Variants in ELAVL1 observed in about 807,000 individuals in gnomAD.
The protein encoded by ELAVL1 is ELAV-like protein 1.
Under a neutral mutation model 28.4 loss-of-function variants are expected in ELAVL1, and 1 was observed. The observed-to-expected ratio is 0.04, with a 90% CI of 0.01 to 0.17. The LOEUF (loss-of-function observed/expected upper bound fraction) is 0.17, where lower values mean the gene tolerates loss of function less well. Ranked by LOEUF, ELAVL1 falls within the 10% of genes least tolerant of loss-of-function variation. The pLI is 1.00. For missense variants in ELAVL1, 157 were observed against 447.2 expected, an observed-to-expected ratio of 0.35 and a Z score of 5.85; for synonymous variants, 174 against 183.5, an observed-to-expected ratio of 0.95 and a Z score of 0.42.
At chr19:7,974,215 G>A (rs1027292433) in intron 3 of ELAVL1, among the ~76,000 whole-genome samples, 1 of 152,212 alleles carries the variant, frequency 6.6e-6, no homozygotes, top group African/African-American at 2.4e-5. Flanking sequence ...CGGTGCCAGA[G>A]AGGTCCTGGT....
At chr19:7,987,261 A>G (rs1039728897) in intron 2 of ELAVL1, among the ~76,000 whole-genome samples, 8 of 152,136 alleles carry the variant, frequency 5.3e-5, no homozygotes, top group Non-Finnish European at 8.8e-5. Flanking sequence ...ATATACAGCA[A>G]GACAGAAGCC....
rs991288126 is a variant in ELAVL1 at position 7,982,954 on chromosome 19, C to T, written c.173-1768G>A. 2.0e-5 allele frequency among the ~76,000 whole-genome samples: 3 copies of T among 152,232 alleles called. No homozygotes were observed. Among genetic ancestry groups the T allele is most frequent in the Non-Finnish European group, 2.9e-5 (2 of 68,044 alleles). ...TCAACGTGACTTATGGCTGCTGGTG[C>T]TGACCGTGATCACTGGGCCGAGGCA... On this transcript the variant is annotated intron_variant, in intron 2 of 5. Transcript: ENST00000407627. The surrounding 1 kb of genome is among the most constrained non-coding windows in gnomAD (Gnocchi z 4.3).
At position 7,963,568 on chromosome 19, in the gene ELAVL1, G is replaced by A; in HGVS notation, c.896C>T (p.Ala299Val). 1 of 1,614,256 alleles carries A rather than the reference G, an allele frequency of 6.2e-7. No homozygotes were observed. The highest frequency in any genetic ancestry group is 8.5e-7 in the Non-Finnish European group (1 of 1,180,052). The change falls in exon 6 of 6, where the codon GCG becomes GTG. Residue 299 changes from alanine to valine, a missense_variant. By Grantham distance (64) the Ala-to-Val change is moderately conservative. Around this residue, in one of 4 missense-constraint regions of ELAVL1, gnomAD observed 107 missense variants for 310.4 expected, o/e 0.34. Coordinates refer to ENST00000407627, the MANE Select transcript of ELAVL1 (RefSeq NM_001419.3). The surrounding 1 kb of genome is among the most constrained non-coding windows in gnomAD (Gnocchi z 4.5). ...GCCGTTCAGGCTGGCTATGGCCATC[G>A]CGGCTTCTTCATAGTTTGTCATGGT... ...FVTMTNYEEA[A>V]MAIASLNGYR... is the part of the protein sequence containing the mutation.
rs1195719940 is a variant in ELAVL1, at chr19:7,963,287, T to C, written c.*196A>G. The C allele has an allele frequency of 1.6e-5, 10 of 624,650 alleles. No homozygotes were observed. Among genetic ancestry groups the C allele is most frequent in the Non-Finnish European group, 2.4e-5 (9 of 369,834 alleles). 38.7% of individuals were successfully genotyped at this position (624,650 alleles called of 1,614,324 possible). A position where few individuals can be genotyped will look rare whatever the true frequency, so the allele number is the denominator to read the frequency against. ...AGGAAATAACTTACGAAACTTAAGA[T>C]TGGTCTAACATTGTGGGATTTCAAA... On this transcript the variant is annotated 3_prime_UTR_variant, in exon 6 of 6. Coordinates refer to ENST00000407627, the MANE Select transcript of ELAVL1 (RefSeq NM_001419.3). This position sits in a 1 kb window ranked among gnomAD's most constrained non-coding sequence, Gnocchi z 4.5.
At chr19:7,964,845 G>A (rs1385590528) in intron 5 of ELAVL1, among the ~76,000 whole-genome samples, 2 of 152,238 alleles carry the variant, frequency 1.3e-5, no homozygotes, top group Non-Finnish European at 2.9e-5. Context: ...CTGAGGGTCA[G>A]TTTGGGAATA....
At chr19:7,985,039 C>T (rs1387928897) in intron 2 of ELAVL1, among the ~76,000 whole-genome samples, 1 of 152,166 alleles carries the variant, frequency 6.6e-6, no homozygotes, top group South Asian at 2.1e-4. Context: ...CCCACCTCAG[C>T]CCCCCAAGTA....
chr19:7,958,735 C>G lies in ELAVL1; in HGVS notation c.*4748G>C, dbSNP rs570204298. 6.6e-6 allele frequency: 1 copy of G among 152,522 alleles called. No individual in the cohort carries two copies. The highest frequency in any genetic ancestry group is 1.5e-5 in the Non-Finnish European group (1 of 68,048). 9.4% of individuals were successfully genotyped at this position (152,522 alleles called of 1,614,324 possible). A position where few individuals can be genotyped will look rare whatever the true frequency, so the allele number is the denominator to read the frequency against. Reference sequence around the variant, plus strand: ...ACGCCCCAAACCGCATCACTCCGTACTTCAAAAATACGATTTTTTGAGAGC... The same window carrying G: ...ACGCCCCAAACCGCATCACTCCGTAGTTCAAAAATACGATTTTTTGAGAGC... On this transcript the variant is annotated 3_prime_UTR_variant, in exon 6 of 6. Coordinates refer to ENST00000407627, the MANE Select transcript of ELAVL1 (RefSeq NM_001419.3).
In ELAVL1 at chr19:7,979,448, C is replaced by T. The variant is rs955584502; in HGVS notation, c.276+1635G>A. ...CACACTGGGCACCCGGCTCCTGCATCTGAGTAAACGGAACAGCTGTGCAGG... is the reference window on the plus strand; with the variant it reads ...CACACTGGGCACCCGGCTCCTGCATTTGAGTAAACGGAACAGCTGTGCAGG... On this transcript the variant is annotated intron_variant, in intron 3 of 5. Transcript: ENST00000407627. This position sits in a 1 kb window ranked among gnomAD's most constrained non-coding sequence, Gnocchi z 5.4. 6.6e-6 allele frequency among the ~76,000 whole-genome samples: 1 copy of T among 152,266 alleles called. No individual in the cohort carries two copies. The highest frequency in any genetic ancestry group is 2.4e-5 in the African/African-American group (1 of 41,476).
In ELAVL1 at chr19:8,000,024, G is replaced by A. The variant is rs186383539; in HGVS notation, c.-17+5471C>T. Among the ~76,000 whole-genome samples the A allele has an allele frequency of 1.7e-3, 256 of 152,228 alleles. 2 individuals carry two copies. Among genetic ancestry groups the A allele is most frequent in the African/African-American group, 5.9e-3 (246 of 41,532 alleles). ...ACTCCTGACCTCAGGTGATCCACCC[G>A]CCTTGGCCTCCCAAAGTGCTGGGAT... On this transcript the variant is annotated intron_variant, in intron 1 of 5. Coordinates refer to ENST00000407627, the MANE Select transcript of ELAVL1 (RefSeq NM_001419.3).
rs1260202604 is a variant in ELAVL1 at position 7,960,238 on chromosome 19, G to A, written c.*3245C>T. On this transcript the variant is annotated 3_prime_UTR_variant, in exon 6 of 6. Coordinates refer to ENST00000407627, the MANE Select transcript of ELAVL1 (RefSeq NM_001419.3). ...CGGTCTTGGCTCCCAACAGCAGCAC[G>A]GTTCAGTCCCTGGAGGCTGGGTCTC... 6.6e-6 allele frequency: 1 copy of A among 152,166 alleles called. No individual in the cohort carries two copies. Among genetic ancestry groups the A allele is most frequent in the Admixed American group, 6.5e-5 (1 of 15,280 alleles). 9.4% of individuals were successfully genotyped at this position (152,166 alleles called of 1,614,324 possible).
chr19:8,003,528 T>C (rs1159018303), intron 1 of ELAVL1, among the ~76,000 whole-genome samples: 2 of 151,374 alleles, frequency 1.3e-5, no homozygotes, highest in Admixed American at 6.6e-5. Context: ...CCGTCTCTAC[T>C]AAAAGTACAA....
At chr19:7,996,900 T>C (rs1047382883) in intron 1 of ELAVL1, among the ~76,000 whole-genome samples, 9 of 152,076 alleles carry the variant, frequency 5.9e-5, no homozygotes, top group African/African-American at 1.9e-4. Flanking sequence ...AGAATATATA[T>C]GGATGGCAGA....
intron 1 of ELAVL1, among the ~76,000 whole-genome samples, chr19:7,996,155 C>T (rs553551689): frequency 3.3e-5 from 5 of 151,392 alleles, no homozygotes; most frequent in Admixed American, 2.0e-4. Flanking sequence ...GAATTATAGG[C>T]GTAAGCCACC....
intron 3 of ELAVL1, among the ~76,000 whole-genome samples, chr19:7,975,287 C>T (rs1161191152): frequency 2.6e-5 from 4 of 152,208 alleles, no homozygotes; most frequent in Admixed American, 2.6e-4. Context: ...ATGACCCTGG[C>T]GCCAGTGGAG....
intron 3 of ELAVL1, among the ~76,000 whole-genome samples, chr19:7,976,367 A>C (rs963341078): frequency 6.6e-6 from 1 of 151,690 alleles, no homozygotes; most frequent in South Asian, 2.1e-4. Context: ...GCGCCACTGC[A>C]CTCCAGCCTG....
At chr19:7,986,168 C>G (rs1863675881) in intron 2 of ELAVL1, among the ~76,000 whole-genome samples, 2 of 152,210 alleles carry the variant, frequency 1.3e-5, no homozygotes, top group Admixed American at 6.5e-5. Flanking sequence ...TGGAAGCGCC[C>G]TGACCTGACA....
intron 1 of ELAVL1, among the ~76,000 whole-genome samples, chr19:8,004,504 C>G (rs2081080134): frequency 6.6e-6 from 1 of 152,184 alleles, no homozygotes. Context: ...GGGGATACTG[C>G]TGGCATCTAG....
chr19:7,991,925 T>C (rs1205822700), intron 1 of ELAVL1, 94 bp from the exon 2 acceptor site: 5 of 1,054,200 alleles, frequency 4.7e-6, no homozygotes, highest in East Asian at 6.1e-5. Context: ...AGAGATTTTC[T>C]TTCTTTCTTT....
rs1292630476 is a variant in ELAVL1, at chr19:7,960,718, T to A, written c.*2765A>T. On this transcript the variant is annotated 3_prime_UTR_variant, in exon 6 of 6. Coordinates refer to ENST00000407627, the MANE Select transcript of ELAVL1 (RefSeq NM_001419.3). Reference sequence around the variant, plus strand: ...GAACATTATCTACTCTGAACGCTTTTTCATCGAAATTCCCAAATAAAAGCA... The same window carrying A: ...GAACATTATCTACTCTGAACGCTTTATCATCGAAATTCCCAAATAAAAGCA... 6.6e-6 allele frequency: 1 copy of A among 152,660 alleles called. No homozygotes were observed. The highest frequency in any genetic ancestry group is 1.5e-5 in the Non-Finnish European group (1 of 68,046). 9.5% of individuals were successfully genotyped at this position (152,660 alleles called of 1,614,324 possible).
Sources: gnomAD v4.1 joint callset for allele counts (sites outside exome capture counted in the v4.1 genomes callset) on GRCh38, gnomAD v4.1.1 for gene constraint, gnomAD v4.1.1 regional missense constraint, Gnocchi (gnomAD v3.1) non-coding constraint, MANE v1.5 for transcripts, NCBI Gene and HGNC (gene_info 2026-07-23, HGNC 2026-07-21) for gene names.